Variants in MTCL1 observed in about 807,000 individuals in gnomAD.
The protein encoded by MTCL1 is microtubule crosslinking factor 1, also known as microtubule cross-linking factor 1.
In MTCL1, 79 loss-of-function variants were observed where a neutral mutation model predicts 141.4. The ratio of observed to expected loss-of-function variants is 0.56; its 90% CI spans 0.47 to 0.67. The LOEUF is 0.67. Among genes scored for constraint, MTCL1 ranks in the 30% least tolerant of loss-of-function variants. The pLI is 0.00. For synonymous variants in MTCL1, 914 were observed against 875.8 expected (o/e 1.04, Z -0.77); for missense variants, 2,177 against 2,113.9 (o/e 1.03, Z -0.59).
intron 1 of MTCL1, chr18:8,707,040 C>G (rs1161915984): frequency 7.7e-6 from 2 of 259,222 alleles, no homozygotes; most frequent in Non-Finnish European, 1.5e-5. Flanking sequence ...GCGGACGCCC[C>G]CATCCCCGCT....
intron 7 of MTCL1, 152 bp from the exon 7 acceptor site, chr18:8,792,846 C>T (rs867953889): frequency 1.0e-5 from 11 of 1,050,022 alleles, no homozygotes; most frequent in East Asian, 2.6e-5. Flanking sequence ...GAGGCCCCAG[C>T]GGAGCTGCCA....
At chr18:8,756,492 T>G (rs1361025059) in intron 4 of MTCL1, among the ~76,000 whole-genome samples, 1 of 143,764 alleles carries the variant, frequency 7.0e-6, no homozygotes, top group Non-Finnish European at 1.5e-5. Flanking sequence ...TGTGTATATA[T>G]GTATATATGT....
chr18:8,718,874 G>T (rs1381782413), intron 3 of MTCL1, among the ~76,000 whole-genome samples: 6 of 152,104 alleles, frequency 3.9e-5, no homozygotes, highest in Non-Finnish European at 5.9e-5. Context: ...ATGATTATTT[G>T]TGATAACGAA....
rs552096404 is a variant in MTCL1 at position 8,737,197 on chromosome 18, T to C, written c.357+16701T>C. On this transcript the variant is annotated intron_variant, in intron 4 of 16. Coordinates refer to ENST00000359865, the Ensembl canonical transcript of MTCL1. ...ACACACAGGACGCTGGCATCACTCT[T>C]CACTTTCATCTTCAAAGCAACAAAC... 5.9e-5 allele frequency among the ~76,000 whole-genome samples: 9 copies of C among 152,332 alleles called. No individual in the cohort carries two copies. The South Asian group carries it at 1.9e-3, about 32-fold the overall frequency.
intron 1 of MTCL1, chr18:8,717,788 G>C: frequency 1.9e-6 from 1 of 530,030 alleles, no homozygotes; most frequent in Non-Finnish European, 2.4e-6. Context: ...CTGTATTCAG[G>C]GTGCATTCCT....
intron 7 of MTCL1, chr18:8,787,351 A>C (rs2096559879): frequency 6.6e-6 from 1 of 152,316 alleles, no homozygotes; most frequent in Admixed American, 6.5e-5. Context: ...TGCGGATGAG[A>C]AAAGTGAGGC....
At chr18:8,786,702 G>A (rs62086586) in intron 7 of MTCL1, 22,154 of 238,508 alleles carry the variant, frequency 0.093, 1,347 homozygotes, top group Non-Finnish European at 0.13. Flanking sequence ...TCTTAGATGC[G>A]GGTCACCCGA....
At chr18:8,777,116 G>A (rs2143288517) in intron 4 of MTCL1, among the ~76,000 whole-genome samples, 1 of 152,180 alleles carries the variant, frequency 6.6e-6, no homozygotes, top group South Asian at 2.1e-4. Context: ...GGTGCCTATA[G>A]TCCCAGCTAC....
chr18:8,731,438 G>A (rs1043343025), intron 4 of MTCL1, among the ~76,000 whole-genome samples: 2 of 151,690 alleles, frequency 1.3e-5, no homozygotes, highest in African/African-American at 4.8e-5. Context: ...GCCAGGCATG[G>A]TGGCAGGCGT....
chr18:8,826,118 G>A, exon 15 of MTCL1: 1 of 1,613,098 alleles, frequency 6.2e-7, no homozygotes, highest in Non-Finnish European at 8.5e-7. Context: ...TCCTCAACAA[G>A]AAGCTGCTGG....
At chr18:8,785,839 C>A (rs2096551378) in intron 6 of MTCL1, 97 bp from the exon 6 acceptor site, 1 of 1,449,266 alleles carries the variant, frequency 6.9e-7, no homozygotes, top group Non-Finnish European at 9.2e-7. Flanking sequence ...TTTCTTTATC[C>A]CCCCTCCCTG....
At chr18:8,718,902 T>C (rs1328914552) in intron 3 of MTCL1, among the ~76,000 whole-genome samples, 1 of 152,200 alleles carries the variant, frequency 6.6e-6, no homozygotes, top group East Asian at 1.9e-4. Context: ...TACCTGCCAA[T>C]GGGTCTGACA....
intron 14 of MTCL1, among the ~76,000 whole-genome samples, chr18:8,821,796 T>A (rs1330925854): frequency 1.3e-5 from 2 of 152,228 alleles, no homozygotes; most frequent in African/African-American, 4.8e-5. Context: ...GAAAGGTCCA[T>A]GGAAACCTCT....
chr18:8,724,825 A>T (rs2096197376), intron 4 of MTCL1, among the ~76,000 whole-genome samples: 1 of 151,942 alleles, frequency 6.6e-6, no homozygotes, highest in Non-Finnish European at 1.5e-5. Context: ...TCTATTGATT[A>T]AAAAAAGGGC....
rs1357217174 is a variant in MTCL1 at position 8,830,894 on chromosome 18, GT to G, written c.*19-712del. On this transcript the variant is annotated intron_variant, in intron 16 of 16. Coordinates refer to ENST00000359865, the Ensembl canonical transcript of MTCL1. The surrounding 1 kb of genome is among the most constrained non-coding windows in gnomAD (Gnocchi z 6.4). ...AGGTGATTTGCACATGGTTGAGTGT[GT>G]CTTGCATCACCTGCTCGCAGAACAT... 1 of 985,372 alleles carries G rather than the reference GT, an allele frequency of 1.0e-6. No homozygotes were observed. The highest frequency in any genetic ancestry group is 1.2e-6 in the Non-Finnish European group (1 of 829,976). The allele number at this position is 985,372 out of a possible 1,614,324, so 61.0% of individuals were successfully genotyped here. A position where few individuals can be genotyped will look rare whatever the true frequency, so the allele number is the denominator to read the frequency against.
intron 8 of MTCL1, among the ~76,000 whole-genome samples, chr18:8,793,769 G>A (rs181794296): frequency 1.3e-3 from 204 of 152,282 alleles, no homozygotes; most frequent in Non-Finnish European, 2.4e-3. Flanking sequence ...CCGTGTATTT[G>A]TTCTTGAAAG....
At chr18:8,721,844 G>A (rs2096175330) in intron 4 of MTCL1, among the ~76,000 whole-genome samples, 1 of 152,196 alleles carries the variant, frequency 6.6e-6, no homozygotes, top group African/African-American at 2.4e-5. Flanking sequence ...CAGGGACAGG[G>A]GCTTTGTCTG....
chr18:8,782,387 G>A (rs147619199), intron 5 of MTCL1: 5 of 152,272 alleles, frequency 3.3e-5, no homozygotes, highest in East Asian at 3.9e-4. Context: ...TCGTGAAATC[G>A]GTTATTTTTC....
intron 4 of MTCL1, among the ~76,000 whole-genome samples, chr18:8,724,298 CT>C (rs1195020436): frequency 6.6e-6 from 1 of 152,070 alleles, no homozygotes; most frequent in Non-Finnish European, 1.5e-5. Context: ...GTAATCCCAG[CT>C]ACTCGGGAGG....
Sources: gnomAD v4.1 joint callset for allele counts (sites outside exome capture counted in the v4.1 genomes callset) on GRCh38, gnomAD v4.1.1 for gene constraint, Gnocchi (gnomAD v3.1) non-coding constraint, MANE v1.5 for transcripts, NCBI Gene and HGNC (gene_info 2026-07-23, HGNC 2026-07-21) for gene names.